The following CD96 variants were observed in gnomAD, a reference collection of about 807,000 sequenced individuals.
CD96 encodes T-cell surface protein tactile.
A neutral mutation model predicts 71.3 loss-of-function variants in CD96; 70 were observed. That is an observed-to-expected ratio of 0.98 (90% CI 0.81 to 1.20). The LOEUF (loss-of-function observed/expected upper bound fraction) is 1.20. Among genes scored for constraint, CD96 ranks in the 50% most tolerant of loss-of-function variants. The pLI is 0.00. For synonymous variants in CD96, 248 were observed against 233.0 expected (o/e 1.06, Z -0.59); for missense variants, 742 against 677.5 (o/e 1.10, Z -1.06).
intron 10 of CD96, among the ~76,000 whole-genome samples, chr3:111,630,088 CA>C (rs1366985285): frequency 2.6e-5 from 4 of 152,174 alleles, no homozygotes; most frequent in African/African-American, 9.6e-5. Context: ...CAACTAACAT[CA>C]CAACTAAAAG....
chr3:111,660,234 G>A (rs375614057), intron 14 of CD96, among the ~76,000 whole-genome samples: 2 of 152,254 alleles, frequency 1.3e-5, no homozygotes, highest in Admixed American at 6.5e-5. Flanking sequence ...TCCAGGCTGC[G>A]AGTGAAATCA....
intron 5 of CD96, among the ~76,000 whole-genome samples, chr3:111,591,371 T>TAAAAAAAAA (rs3082283): frequency 2.3e-5 from 2 of 88,108 alleles, no homozygotes; most frequent in Non-Finnish European, 4.1e-5. Flanking sequence ...GACTCCATCT[T>TAAAAAAAAA]AAAAAAAAAA....
intron 14 of CD96, among the ~76,000 whole-genome samples, chr3:111,659,546 A>G (rs1940307877): frequency 6.6e-6 from 1 of 152,166 alleles, no homozygotes; most frequent in Non-Finnish European, 1.5e-5. Flanking sequence ...GATTTTGGTA[A>G]CTTGTAAACC....
chr3:111,610,887 G>A (rs1937887682), intron 8 of CD96, among the ~76,000 whole-genome samples: 2 of 152,190 alleles, frequency 1.3e-5, no homozygotes, highest in Admixed American at 1.3e-4. Flanking sequence ...CCAACCCGGT[G>A]TGGCAATCAT....
intron 2 of CD96, among the ~76,000 whole-genome samples, chr3:111,562,867 T>G (rs1193438784): frequency 6.6e-6 from 1 of 152,236 alleles, no homozygotes; most frequent in Non-Finnish European, 1.5e-5. Flanking sequence ...ATCTCCATGT[T>G]AAAGGTCTTT....
intron 2 of CD96, among the ~76,000 whole-genome samples, chr3:111,562,634 G>T (rs1352596785): frequency 1.3e-5 from 2 of 152,242 alleles, no homozygotes; most frequent in African/African-American, 4.8e-5. Context: ...TTTGGCAAAA[G>T]TTATGCTCAA....
At chr3:111,549,373 T>C (rs1281453902) in intron 2 of CD96, among the ~76,000 whole-genome samples, 1 of 152,156 alleles carries the variant, frequency 6.6e-6, no homozygotes, top group East Asian at 1.9e-4. Context: ...ACGATAAGGT[T>C]AGAAAGATTG....
chr3:111,589,512 T>C (rs1936875263), intron 5 of CD96, among the ~76,000 whole-genome samples: 1 of 152,262 alleles, frequency 6.6e-6, no homozygotes, highest in African/African-American at 2.4e-5. Flanking sequence ...CTACAGGACA[T>C]GGCTTGTCTA....
chr3:111,575,523 C>G (rs1405062257), intron 3 of CD96, among the ~76,000 whole-genome samples: 1 of 152,206 alleles, frequency 6.6e-6, no homozygotes. Flanking sequence ...AGGGCCAACC[C>G]TTACGGGTTG....
chr3:111,623,633 AG>A (rs1328956030), intron 8 of CD96, 120 bp from the exon 9 acceptor site: 2 of 705,404 alleles, frequency 2.8e-6, no homozygotes, highest in Non-Finnish European at 5.3e-6. Context: ...TTATAAAATG[AG>A]GCTGTTCACT....
At chr3:111,557,822 T>G (rs1935151468) in intron 2 of CD96, among the ~76,000 whole-genome samples, 2 of 130,360 alleles carry the variant, frequency 1.5e-5, no homozygotes, top group Non-Finnish European at 3.3e-5. Flanking sequence ...ACGATATTGA[T>G]TCTTCCTACC....
At chr3:111,577,512 G>A in intron 3 of CD96, 2 of 1,606,640 alleles carry the variant, frequency 1.2e-6, no homozygotes, top group Non-Finnish European at 1.7e-6. Flanking sequence ...GAAAACAGCA[G>A]CACGGATTCT....
intron 7 of CD96, 40 bp from the exon 8 acceptor site, chr3:111,606,660 A>G (rs1485553162): frequency 1.0e-6 from 1 of 961,278 alleles, no homozygotes; most frequent in Admixed American, 1.7e-5. Flanking sequence ...TTTTGATTAC[A>G]ATATTTTGTT....
At chr3:111,578,564 G>A (rs1487482256) in intron 3 of CD96, among the ~76,000 whole-genome samples, 3 of 152,150 alleles carry the variant, frequency 2.0e-5, no homozygotes, top group Non-Finnish European at 4.4e-5. Context: ...GTCCAGGCTC[G>A]GGGAGGAGCT....
At chr3:111,647,517 T>G (rs757372062) in intron 12 of CD96, 26 bp from the exon 13 acceptor site, 1 of 1,608,918 alleles carries the variant, frequency 6.2e-7, no homozygotes, top group Non-Finnish European at 8.5e-7. Flanking sequence ...GGGATTAAAG[T>G]TCATCTTTCT....
In CD96 at chr3:111,598,139, T is replaced by C; in HGVS notation, c.827T>C (p.Leu276Pro). ...VLVERRFTCL[L>P]KNVFPKANIT... Reference sequence around the variant, plus strand: ...CCCCAGAGAAGATTTACCTGCTTACTAAAGAATGTATTTCCCAAAGCAAAT... The same window carrying C: ...CCCCAGAGAAGATTTACCTGCTTACCAAAGAATGTATTTCCCAAAGCAAAT... Residue 276 changes from leucine (L) to proline (P), a missense_variant, in exon 6 of 14, where the codon CTA (leucine) becomes CCA (proline). By Grantham distance (98) the Leu-to-Pro change is moderately conservative. Coordinates refer to ENST00000352690, the MANE Select transcript of CD96 (RefSeq NM_005816.5). The C allele has an allele frequency of 6.8e-7, 1 of 1,464,314 alleles. No individual in the cohort carries two copies. Among genetic ancestry groups the C allele is most frequent in the Non-Finnish European group, 9.6e-7 (1 of 1,044,160 alleles). 90.7% of individuals were successfully genotyped at this position (1,464,314 alleles called of 1,614,324 possible).
At position 111,647,664 on chromosome 3, in the gene CD96, A is replaced by G; in HGVS notation, c.1599A>G (p.Glu533=). The change falls in exon 13 of 14, where the codon GAA becomes GAG. Residue 533 remains glutamate (E), a splice_region_variant and synonymous_variant. Transcript: ENST00000352690. The part of the protein sequence containing the change: ...GVRKWCQYQK[E]IMERPPPFKP... ...GAAAATGGTGTCAGTACCAAAAAGA[A>G]ATGTGAGTATAATACTAACATATGT... The G allele has an allele frequency of 6.2e-7, 1 of 1,603,792 alleles. No individual in the cohort carries two copies. Among genetic ancestry groups the G allele is most frequent in the East Asian group, 2.2e-5 (1 of 44,790 alleles).
chr3:111,644,684 A>G (rs2107777854), intron 12 of CD96, among the ~76,000 whole-genome samples: 1 of 152,218 alleles, frequency 6.6e-6, no homozygotes, highest in South Asian at 2.1e-4. Flanking sequence ...AAAACAAACA[A>G]CCCTATCAAA....
At chr3:111,638,263 G>T in intron 12 of CD96, 95 bp downstream of exon 12, 1 of 820,532 alleles carries the variant, frequency 1.2e-6, no homozygotes, top group African/African-American at 1.7e-5. Context: ...TATGCCAGTT[G>T]TTGGATATAC....
Sources: allele counts gnomAD v4.1 joint callset (sites outside exome capture counted in the v4.1 genomes callset), GRCh38; gene constraint gnomAD v4.1.1; transcripts MANE v1.5; gene names NCBI Gene and HGNC (gene_info 2026-07-23, HGNC 2026-07-21).